DNAJB6: variants seen among roughly 807,000 people sequenced by gnomAD.
The protein encoded by DNAJB6 is dnaJ homolog subfamily B member 6.
DNAJB6 carries 16 observed loss-of-function variants against 42.7 expected under a neutral mutation model. The ratio of observed to expected loss-of-function variants is 0.37; its 90% confidence interval spans 0.25 to 0.57. The LOEUF (loss-of-function observed/expected upper bound fraction) is 0.57. Among genes scored for constraint, DNAJB6 ranks in the 20% least tolerant of loss-of-function variants. The probability of loss-of-function intolerance (pLI) is 0.74; values close to 1 mark genes in which losing one functional copy is unlikely to be tolerated. For synonymous variants in DNAJB6, 170 were observed against 163.5 expected (o/e 1.04, Z -0.30); for missense variants, 347 against 416.8 (o/e 0.83, Z 1.46).
intron 5 of DNAJB6, among the ~76,000 whole-genome samples, chr7:157,371,621 G>A (rs1477607420): frequency 6.6e-6 from 1 of 152,280 alleles, no homozygotes; most frequent in Non-Finnish European, 1.5e-5. Context: ...CAAAACTGCT[G>A]AGGCTAGGTG....
chr7:157,390,240 A>G (rs1801273698), intron 8 of DNAJB6, among the ~76,000 whole-genome samples: 2 of 152,200 alleles, frequency 1.3e-5, no homozygotes, highest in Admixed American at 1.3e-4. Context: ...CCTGCGGCCC[A>G]GCCTGCTGTT....
chr7:157,350,956 CAG>C (rs900494876), intron 1 of DNAJB6, among the ~76,000 whole-genome samples: 5 of 146,196 alleles, frequency 3.4e-5, no homozygotes, highest in African/African-American at 7.6e-5. Flanking sequence ...TTTTTTGAGA[CAG>C]AGTTTCGCTC....
At chr7:157,378,256 A>T (rs1800571546) in intron 5 of DNAJB6, 1 of 152,226 alleles carries the variant, frequency 6.6e-6, no homozygotes, top group Admixed American at 6.5e-5. Flanking sequence ...GGTAAAGTAA[A>T]AAAGAAGTTG....
At chr7:157,375,624 C>G (rs1010828419) in intron 5 of DNAJB6, among the ~76,000 whole-genome samples, 5 of 152,240 alleles carry the variant, frequency 3.3e-5, no homozygotes, top group Non-Finnish European at 5.9e-5. Context: ...AAGCCCTGTT[C>G]TCAGGGCGTG....
At chr7:157,403,363 A>G (rs1795611051) in intron 8 of DNAJB6, among the ~76,000 whole-genome samples, 1 of 152,216 alleles carries the variant, frequency 6.6e-6, no homozygotes, top group African/African-American at 2.4e-5. Context: ...TAAGCTGTCC[A>G]CTGACATTGC....
In DNAJB6 at chr7:157,367,462, C is replaced by T; in HGVS notation, c.325C>T (p.Pro109Ser). The T allele has an allele frequency of 1.1e-5, 17 of 1,608,392 alleles. No individual in the cohort carries two copies. The highest frequency in any genetic ancestry group is 1.4e-5 in the Non-Finnish European group (17 of 1,174,868). ...VFREFFGGRD[P>S]FSFDFFEDPF... is the part of the protein sequence containing the mutation. ...CAGGGAATTTTTTGGTGGAAGGGAC[C>T]CATTTTCATTTGACTTCTTTGGTAA... is the stretch of plus-strand genomic sequence containing the variant. The change falls in exon 5 of 10, where the codon CCA becomes TCA. Residue 109 changes from proline (P) to serine (S), a missense_variant. Around this residue, in one of 3 missense-constraint regions of DNAJB6, gnomAD observed 264 missense variants for 288.0 expected, o/e 0.92. Coordinates refer to ENST00000262177, the MANE Select transcript of DNAJB6 (RefSeq NM_058246.4).
chr7:157,383,947 G>A (rs1023759739), intron 6 of DNAJB6, among the ~76,000 whole-genome samples: 2 of 152,186 alleles, frequency 1.3e-5, no homozygotes, highest in Non-Finnish European at 2.9e-5. Flanking sequence ...ACTAGTTTCT[G>A]CTTTTTAGTG....
At position 157,387,037 on chromosome 7, in the gene DNAJB6, C is replaced by T. The variant is rs372737128; in HGVS notation, c.691+1426C>T. Among the ~76,000 whole-genome samples the T allele has an allele frequency of 4.6e-5, 7 of 152,296 alleles. No individual in the cohort carries two copies. The East Asian group carries it at 5.8e-4, about 13-fold the overall frequency. On this transcript the variant is annotated intron_variant, in intron 8 of 9. Transcript: ENST00000262177. Reference sequence around the variant, plus strand: ...TTGAAACTGTTTTGGAACTAAACAGCGTGAAAACCGCTAGAAGGACAGGCG... The same window carrying T: ...TTGAAACTGTTTTGGAACTAAACAGTGTGAAAACCGCTAGAAGGACAGGCG...
chr7:157,367,320 T>C, intron 4 of DNAJB6, 53 bp from the exon 5 acceptor site: 1 of 1,161,908 alleles, frequency 8.6e-7, no homozygotes, highest in Non-Finnish European at 1.3e-6. Context: ...AAGAATTCTT[T>C]GCCTACAAAG....
In DNAJB6 at chr7:157,357,149, A is replaced by G. The variant is rs554872334; in HGVS notation, c.-26-1398A>G. On this transcript the variant is annotated intron_variant, in intron 1 of 9. Transcript: ENST00000262177. ...CCCTGTCTCAATTAAAAAAAAAAAC[A>G]AAAAACAAAAACCAAGAGTTGAAGT... is the stretch of plus-strand genomic sequence containing the variant. Among the ~76,000 whole-genome samples, 406 of 150,218 alleles carry G rather than the reference A, an allele frequency of 2.7e-3. 2 individuals are homozygous for G. Among genetic ancestry groups the G allele is most frequent in the South Asian group, 0.025 (117 of 4,724 alleles).
intron 6 of DNAJB6, among the ~76,000 whole-genome samples, chr7:157,384,064 G>C (rs1800926603): frequency 6.6e-6 from 1 of 152,160 alleles, no homozygotes; most frequent in African/African-American, 2.4e-5. Flanking sequence ...ATGTTCAGAG[G>C]TATGCGTCAT....
At chr7:157,406,081 G>A (rs187113672) in intron 8 of DNAJB6, among the ~76,000 whole-genome samples, 2 of 152,238 alleles carry the variant, frequency 1.3e-5, no homozygotes, top group East Asian at 3.9e-4. Context: ...CATCGAGGCC[G>A]AATCGGGCAG....
intron 8 of DNAJB6, among the ~76,000 whole-genome samples, chr7:157,404,485 T>G (rs1252512647): frequency 1.9e-5 from 2 of 107,998 alleles, no homozygotes; most frequent in African/African-American, 7.5e-5. Flanking sequence ...TTTTTTTTTT[T>G]GATAGAGATG....
At chr7:157,363,068 C>T (rs926711568) in intron 2 of DNAJB6, 93 bp from the exon 3 acceptor site, 3 of 806,668 alleles carry the variant, frequency 3.7e-6, no homozygotes, top group Non-Finnish European at 6.0e-6. Flanking sequence ...GTTGGCAGCT[C>T]TGAAGCCATT....
chr7:157,340,383 T>TGA (rs1417518620), intron 1 of DNAJB6, among the ~76,000 whole-genome samples: 1 of 151,946 alleles, frequency 6.6e-6, no homozygotes, highest in Non-Finnish European at 1.5e-5. Flanking sequence ...AGTTCAAGGA[T>TGA]GAATAGAATT....
rs765489885 is a variant in DNAJB6 at position 157,353,619 on chromosome 7, G to GTGTGTGTGTGTGTGTGTA, written c.-26-4925_-26-4924insGTGTGTGTGTGTGTATGT. Among the ~76,000 whole-genome samples, 353 of 146,886 alleles carry GTGTGTGTGTGTGTGTGTA rather than the reference G, an allele frequency of 2.4e-3. 2 individuals carry two copies. Among genetic ancestry groups the GTGTGTGTGTGTGTGTGTA allele is most frequent in the African/African-American group, 6.3e-3 (246 of 38,984 alleles). ...TGTGTGTGTGTGTGTGTGTGTGTGT[G>GTGTGTGTGTGTGTGTGTA]TGTATGTATTTTTTTTTGTTTGTTT... On this transcript the variant is annotated intron_variant, in intron 1 of 9. Coordinates refer to ENST00000262177, the MANE Select transcript of DNAJB6 (RefSeq NM_058246.4).
chr7:157,343,629 A>G (rs905012437), intron 1 of DNAJB6, among the ~76,000 whole-genome samples: 3 of 152,000 alleles, frequency 2.0e-5, no homozygotes, highest in African/African-American at 7.3e-5. Context: ...TTGTATTTTT[A>G]GTAGAGACGG....
intron 6 of DNAJB6, 81 bp from the exon 7 acceptor site, chr7:157,384,786 C>T: frequency 7.3e-7 from 1 of 1,362,014 alleles, no homozygotes; most frequent in Non-Finnish European, 1.0e-6. Flanking sequence ...AAATATTCTG[C>T]TACTGAACTT....
At chr7:157,409,732 C>T in intron 8 of DNAJB6, 63 bp from the exon 9 acceptor site, 3 of 1,459,964 alleles carry the variant, frequency 2.1e-6, no homozygotes, top group Non-Finnish European at 2.7e-6. Context: ...CCTCCCTCTG[C>T]TCTGGATGGG....
Sources: allele counts gnomAD v4.1 joint callset (sites outside exome capture counted in the v4.1 genomes callset), GRCh38; gene constraint gnomAD v4.1.1; regional missense constraint gnomAD v4.1.1; transcripts MANE v1.5; gene names NCBI Gene and HGNC (gene_info 2026-07-23, HGNC 2026-07-21).